CCDC14: variants seen among roughly 807,000 people sequenced by gnomAD.
The protein encoded by CCDC14 is coiled-coil domain containing 14, also known as coiled-coil domain-containing protein 14.
CCDC14 carries 71 observed loss-of-function variants against 81.4 expected under a neutral mutation model. The ratio of observed to expected loss-of-function variants is 0.87; its 90% confidence interval spans 0.72 to 1.06. CCDC14 has a LOEUF of 1.06. CCDC14 is among the 50% of genes least tolerant of loss of function. CCDC14 has a pLI of 0.00. For missense variants in CCDC14, 1,046 were observed against 1,047.3 expected (o/e 1.00, Z 0.02); for synonymous variants, 332 against 364.8 (o/e 0.91, Z 1.03).
chr3:123,902,316 T>C (rs1184175004), intron 5 of CCDC14, among the ~76,000 whole-genome samples: 1 of 152,246 alleles, frequency 6.6e-6, no homozygotes, highest in Non-Finnish European at 1.5e-5. Flanking sequence ...ATTTAGACTG[T>C]CACCATTCTG....
At chr3:123,913,311 T>C (rs1479771487), downstream of CCDC14, 28 of 893,540 alleles carry the variant, frequency 3.1e-5, no homozygotes, top group Non-Finnish European at 3.8e-5. Flanking sequence ...CCTTTGCATA[T>C]AAGGATGGCT....
chr3:123,899,521 C>G (rs1342464982), intron 5 of CCDC14, among the ~76,000 whole-genome samples: 1 of 152,234 alleles, frequency 6.6e-6, no homozygotes, highest in Non-Finnish European at 1.5e-5. Flanking sequence ...TGACACCCAT[C>G]CAGCAGTCCT....
Position 123,940,314 on chromosome 3 carries a change from T to C in CCDC14, c.1343+4535A>G, listed in dbSNP as rs571388571. Among the ~76,000 whole-genome samples, 5 of 151,902 alleles carry C rather than the reference T, an allele frequency of 3.3e-5. No homozygotes were observed. The East Asian group carries it at 9.6e-4, about 29-fold the overall frequency. On this transcript the variant is annotated intron_variant, in intron 9 of 12. Transcript: ENST00000409697. Reference sequence around the variant, plus strand: ...ATTTTTCTGAGTTCACTTAACTCACTTTTCTTCTCTTTTTCTTTTTCTTCT... The same window carrying C: ...ATTTTTCTGAGTTCACTTAACTCACCTTTCTTCTCTTTTTCTTTTTCTTCT...
chr3:123,946,872 T>C lies in CCDC14; in HGVS notation c.1132A>G (p.Lys378Glu), dbSNP rs761343517. ...ATAATTCTAACTTTTTCAGCTGTCT[T>C]GTTCACATTTTTTGCCTTCTGTACA... is the stretch of plus-strand genomic sequence containing the variant. ...KDVQKAKNVN[K>E]TAEKVRIIKY... The change falls in exon 8 of 13, where the codon AAG becomes GAG. Residue 378 changes from lysine (K) to glutamate (E), a missense_variant. Transcript: ENST00000409697. 3 of 1,613,870 alleles carry C rather than the reference T, an allele frequency of 1.9e-6. No homozygotes were observed. Among genetic ancestry groups the C allele is most frequent in the South Asian group, 2.2e-5 (2 of 91,082 alleles).
In CCDC14 at chr3:123,948,735, C is replaced by A; in HGVS notation, c.640G>T (p.Val214Phe). The change falls in exon 7 of 13, where the codon GTC becomes TTC. Residue 214 changes from valine to phenylalanine, a missense_variant. Transcript: ENST00000409697. ...SSYGLCTSTP[V>F]WSLQRPPCPP... ...CAGGGTGGCCGCTGAAGTGACCAGA[C>A]TGGGGTGGAGGTACATAAGCCATAA... 5.6e-6 allele frequency: 9 copies of A among 1,603,320 alleles called. No individual in the cohort carries two copies. Among genetic ancestry groups the A allele is most frequent in the Non-Finnish European group, 7.6e-6 (9 of 1,177,372 alleles).
rs1406973411 is a variant in CCDC14 at position 123,955,844 on chromosome 3, T to C, written c.351A>G (p.Thr117=). The C allele has an allele frequency of 6.6e-7, 1 of 1,506,104 alleles. No individual in the cohort carries two copies. The highest frequency in any genetic ancestry group is 8.9e-7 in the Non-Finnish European group (1 of 1,127,312). 93.3% of individuals were successfully genotyped at this position (1,506,104 alleles called of 1,614,324 possible). ...HTIPLVVQKE[T]SSSDNKKQIP... ...ATAACTAAGAGAAAAAAGGCTTACATGTTTCTTTCTGGACTACCAAAGGAA... is the reference window on the plus strand; with the variant it reads ...ATAACTAAGAGAAAAAAGGCTTACACGTTTCTTTCTGGACTACCAAAGGAA... The change falls in exon 5 of 13, where the codon ACA becomes ACG. Residue 117 remains threonine, a splice_region_variant and synonymous_variant. Transcript: ENST00000409697.
chr3:123,901,512 A>G (rs1242867973), intron 5 of CCDC14, among the ~76,000 whole-genome samples: 1 of 152,116 alleles, frequency 6.6e-6, no homozygotes, highest in Non-Finnish European at 1.5e-5. Flanking sequence ...CTGCCATCTT[A>G]CACTACATTA....
chr3:123,947,909 A>G (rs1477533127), intron 7 of CCDC14, among the ~76,000 whole-genome samples: 2 of 152,114 alleles, frequency 1.3e-5, no homozygotes, highest in Non-Finnish European at 2.9e-5. Context: ...GGTATATCCA[A>G]AAAATACAGT....
intron 9 of CCDC14, among the ~76,000 whole-genome samples, chr3:123,942,351 G>A (rs1056879910): frequency 1.3e-5 from 2 of 152,004 alleles, no homozygotes; most frequent in African/African-American, 4.8e-5. Flanking sequence ...AGTATTTGCT[G>A]TTCATTATTT....
chr3:123,954,027 G>A (rs2700351), intron 5 of CCDC14: 124,150 of 152,136 alleles, frequency 0.82, 51,199 homozygotes, highest in African/African-American at 0.93. Flanking sequence ...GACCGACAGA[G>A]GCAGTTAAGT....
At chr3:123,935,102 A>T (rs1348330820) in intron 9 of CCDC14, among the ~76,000 whole-genome samples, 1 of 152,192 alleles carries the variant, frequency 6.6e-6, no homozygotes, top group African/African-American at 2.4e-5. Flanking sequence ...AAGGAAGGCA[A>T]CCTAGTAAAA....
Position 123,948,989 on chromosome 3 carries a change from CGT to C in CCDC14, c.494_495del (p.His165ArgfsTer10), listed in dbSNP as rs747035825. 1 of 1,613,822 alleles carries C rather than the reference CGT, an allele frequency of 6.2e-7. No homozygotes were observed. Among genetic ancestry groups the C allele is most frequent in the African/African-American group, 1.3e-5 (1 of 74,930 alleles). On this transcript the variant is annotated frameshift_variant, in exon 6 of 13. Coordinates refer to ENST00000409697, the MANE Select transcript of CCDC14 (RefSeq NM_001366335.1). LOFTEE classifies it high-confidence loss of function. ...SPIIYQALCE[H>X]VQTQMSLMND... ...TTCATCAGTGACATCTGAGTCTGCA[CGT>C]GCTCACAGAGGGCTTGGTATATTAT...
At chr3:123,897,864 A>G (rs1160123641) in intron 5 of CCDC14, among the ~76,000 whole-genome samples, 2 of 152,238 alleles carry the variant, frequency 1.3e-5, no homozygotes, top group African/African-American at 2.4e-5. Flanking sequence ...CCATGTTTAC[A>G]GACAGAATGA....
intron 9 of CCDC14, among the ~76,000 whole-genome samples, chr3:123,938,875 A>C (rs184365509): frequency 3.3e-5 from 5 of 152,098 alleles, no homozygotes; most frequent in Admixed American, 1.3e-4. Context: ...ATTCCTAAGT[A>C]ATCTAAAATT....
chr3:123,931,001 A>G, intron 12 of CCDC14, 101 bp downstream of exon 12: 3 of 1,010,312 alleles, frequency 3.0e-6, no homozygotes, highest in Non-Finnish European at 4.2e-6. Flanking sequence ...AAATAAGAGA[A>G]AAAGATATGG....
In CCDC14 at chr3:123,956,364, T is replaced by C. The variant is rs572959262; in HGVS notation, c.150A>G (p.Ser50=). ...ADSGYSIHSD[S]ESQAETVHGL... is the part of the protein sequence containing the mutation. ...ATCTATTCAATCTTACCTGACTTTC[T>C]GAATCAGAATGGATGGAATAGCCAG... Residue 50 remains serine (S), a synonymous_variant, in exon 3 of 13, where the codon TCA becomes TCG. Coordinates refer to ENST00000409697, the MANE Select transcript of CCDC14 (RefSeq NM_001366335.1). 6.5e-7 allele frequency: 1 copy of C among 1,544,234 alleles called. No homozygotes were observed. The highest frequency in any genetic ancestry group is 1.4e-5 in the African/African-American group (1 of 72,910).
rs746087919 is a variant in CCDC14 at position 123,946,914 on chromosome 3, T to C, written c.1090A>G (p.Thr364Ala). The C allele has an allele frequency of 1.2e-6, 2 of 1,613,992 alleles. No individual in the cohort carries two copies. Among genetic ancestry groups the C allele is most frequent in the Admixed American group, 1.7e-5 (1 of 60,020 alleles). Residue 364 changes from threonine (T) to alanine (A), a missense_variant, in exon 8 of 13, where the codon ACA becomes GCA. Coordinates refer to ENST00000409697, the MANE Select transcript of CCDC14 (RefSeq NM_001366335.1). ...RKDLNIHVRD[T>A]KTVKDVQKAK... ...TTCTGTACATCCTTCACTGTTTTTG[T>C]ATCTCGCACATGTATGTTTAAATCC...
intron 9 of CCDC14, among the ~76,000 whole-genome samples, chr3:123,937,596 T>C (rs1407635931): frequency 6.6e-6 from 1 of 151,990 alleles, no homozygotes; most frequent in Non-Finnish European, 1.5e-5. Flanking sequence ...TTACAAATAT[T>C]TTCTCTCAGT....
chr3:123,953,799 T>C (rs907321483), intron 5 of CCDC14: 8 of 150,112 alleles, frequency 5.3e-5, no homozygotes, highest in Non-Finnish European at 1.2e-4. Flanking sequence ...ACAGTATCTC[T>C]TTCTAGATCC....
Sources: gnomAD v4.1 joint callset for allele counts (sites outside exome capture counted in the v4.1 genomes callset) on GRCh38, gnomAD v4.1.1 for gene constraint, MANE v1.5 for transcripts, NCBI Gene and HGNC (gene_info 2026-07-23, HGNC 2026-07-21) for gene names.